SPAG16: variants seen among roughly 807,000 people sequenced by gnomAD.
SPAG16 encodes sperm associated antigen 16.
In SPAG16, 86 loss-of-function variants were observed where a neutral mutation model predicts 80.4. The observed-to-expected ratio is 1.07, with a 90% CI of 0.90 to 1.28. The LOEUF (loss-of-function observed/expected upper bound fraction) is 1.28, where lower values mean the gene tolerates loss of function less well. Among genes scored for constraint, SPAG16 ranks in the 50% most tolerant of loss-of-function variants. The pLI is 0.00. For missense variants in SPAG16, 870 were observed against 765.3 expected, an observed-to-expected ratio of 1.14 and a Z score of -1.61; for synonymous variants, 294 against 265.9, an observed-to-expected ratio of 1.11 and a Z score of -1.03.
chr2:213,590,077 C>T (rs948703068), intron 10 of SPAG16, among the ~76,000 whole-genome samples: 2 of 152,068 alleles, frequency 1.3e-5, no homozygotes, highest in Non-Finnish European at 2.9e-5. Flanking sequence ...TAATTCTCAA[C>T]CAACTTGGCA....
At chr2:213,647,548 A>G (rs1397151365) in intron 10 of SPAG16, among the ~76,000 whole-genome samples, 1 of 150,358 alleles carries the variant, frequency 6.7e-6, no homozygotes, top group African/African-American at 2.5e-5. Context: ...TGTTTTCACA[A>G]CAGGCAGATT....
At chr2:214,409,862 AAAG>A (rs1702201403) in intron 15 of SPAG16, among the ~76,000 whole-genome samples, 1 of 152,220 alleles carries the variant, frequency 6.6e-6, no homozygotes, top group African/African-American at 2.4e-5. Context: ...CACAAATATA[AAAG>A]AATAGTAGGA....
intron 11 of SPAG16, among the ~76,000 whole-genome samples, chr2:213,913,701 G>A (rs1213645283): frequency 6.6e-6 from 1 of 150,970 alleles, no homozygotes; most frequent in Admixed American, 6.6e-5. Flanking sequence ...ACATACATGT[G>A]TGTATGCATA....
At chr2:213,890,344 T>A (rs1311220611) in intron 11 of SPAG16, among the ~76,000 whole-genome samples, 3 of 152,088 alleles carry the variant, frequency 2.0e-5, no homozygotes, top group South Asian at 2.1e-4. Context: ...GTAATCTTAT[T>A]GTATTTTTCG....
chr2:213,347,027 G>A (rs1306295282), intron 6 of SPAG16, among the ~76,000 whole-genome samples: 4 of 151,972 alleles, frequency 2.6e-5, no homozygotes, highest in Non-Finnish European at 5.9e-5. Context: ...GACTTTTTTT[G>A]GTTGGTAAGC....
At chr2:214,128,408 G>C (rs749006793) in intron 14 of SPAG16, among the ~76,000 whole-genome samples, 3 of 151,728 alleles carry the variant, frequency 2.0e-5, no homozygotes, top group Non-Finnish European at 2.9e-5. Flanking sequence ...AAAACTCTAA[G>C]CTCTACTCAA....
At chr2:213,369,454 C>G (rs138066875) in intron 8 of SPAG16, among the ~76,000 whole-genome samples, 126 of 152,170 alleles carry the variant, frequency 8.3e-4, no homozygotes, top group African/African-American at 2.9e-3. Context: ...TGTTTTATAT[C>G]TTAATTTTGG....
At chr2:214,272,208 CTAAT>C (rs1470329667) in intron 15 of SPAG16, among the ~76,000 whole-genome samples, 1 of 151,926 alleles carries the variant, frequency 6.6e-6, no homozygotes, top group African/African-American at 2.4e-5. Context: ...TTATCACTTC[CTAAT>C]TATTTTATTA....
At chr2:214,280,819 T>A (rs1422854408) in intron 15 of SPAG16, 2 of 450,078 alleles carry the variant, frequency 4.4e-6, no homozygotes, top group Non-Finnish European at 8.6e-6. Flanking sequence ...ATCTCCTCCA[T>A]GTCTAGAGTT....
chr2:213,297,709 G>GT (rs2062566259), intron 3 of SPAG16, among the ~76,000 whole-genome samples: 1 of 151,852 alleles, frequency 6.6e-6, no homozygotes, highest in African/African-American at 2.4e-5. Context: ...AACATTTTGT[G>GT]TTTTTTTACA....
At chr2:213,920,465 A>T (rs2078164471) in intron 11 of SPAG16, among the ~76,000 whole-genome samples, 1 of 152,186 alleles carries the variant, frequency 6.6e-6, no homozygotes, top group Non-Finnish European at 1.5e-5. Context: ...ACATGTTGGC[A>T]ATGTGATATA....
chr2:214,060,212 C>T (rs533935132), intron 13 of SPAG16, among the ~76,000 whole-genome samples: 5 of 152,232 alleles, frequency 3.3e-5, no homozygotes, highest in African/African-American at 7.2e-5. Flanking sequence ...ATTCATCCTC[C>T]GGCTCTACCC....
chr2:213,420,330 T>C (rs1292750952), intron 9 of SPAG16, among the ~76,000 whole-genome samples: 3 of 152,160 alleles, frequency 2.0e-5, no homozygotes, highest in Non-Finnish European at 4.4e-5. Flanking sequence ...CCCTAAAGAG[T>C]GTGCTTATAC....
intron 11 of SPAG16, among the ~76,000 whole-genome samples, chr2:213,921,033 A>G (rs367657461): frequency 2.1e-4 from 32 of 152,140 alleles, no homozygotes; most frequent in African/African-American, 7.2e-4. Flanking sequence ...GAGGGTAGGA[A>G]TTAGTCCCCT....
chr2:214,244,089 T>A (rs1171006102), intron 15 of SPAG16, among the ~76,000 whole-genome samples: 3 of 152,112 alleles, frequency 2.0e-5, no homozygotes, highest in Non-Finnish European at 2.9e-5. Context: ...GTAATAGCTT[T>A]CTTGGGAATC....
At chr2:214,201,508 G>A (rs188790122) in intron 15 of SPAG16, among the ~76,000 whole-genome samples, 64 of 152,206 alleles carry the variant, frequency 4.2e-4, no homozygotes, top group African/African-American at 1.4e-3. Flanking sequence ...GATAGCCATT[G>A]GAAAGAATAA....
At chr2:214,171,068 C>T (rs1469359430) in intron 15 of SPAG16, among the ~76,000 whole-genome samples, 2 of 152,000 alleles carry the variant, frequency 1.3e-5, no homozygotes, top group Non-Finnish European at 2.9e-5. Context: ...TGTGCCTTTA[C>T]ATCCAAGAGC....
chr2:213,977,792 C>T (rs1346461131), intron 12 of SPAG16, among the ~76,000 whole-genome samples: 1 of 152,054 alleles, frequency 6.6e-6, no homozygotes, highest in Non-Finnish European at 1.5e-5. Flanking sequence ...CTGTTCTTTT[C>T]AATTAAAACT....
intron 15 of SPAG16, among the ~76,000 whole-genome samples, chr2:214,395,439 T>C (rs1318466761): frequency 6.6e-6 from 1 of 152,230 alleles, no homozygotes; most frequent in Non-Finnish European, 1.5e-5. Context: ...TGATGACATA[T>C]GATGTTAAGC....
Sources: allele counts gnomAD v4.1 joint callset (sites outside exome capture counted in the v4.1 genomes callset), GRCh38; gene constraint gnomAD v4.1.1; transcripts MANE v1.5; gene names NCBI Gene and HGNC (gene_info 2026-07-23, HGNC 2026-07-21).